BCL2: variants seen among roughly 807,000 people sequenced by gnomAD.
BCL2 encodes the protein BCL2 apoptosis regulator, also known as apoptosis regulator Bcl-2.
BCL2 carries 1 observed loss-of-function variant against 14.2 expected under a neutral mutation model. The ratio of observed to expected loss-of-function variants is 0.07; its 90% CI spans 0.02 to 0.33. BCL2 has a LOEUF of 0.33. Among genes scored for constraint, BCL2 ranks in the 10% least tolerant of loss-of-function variants. The pLI is 0.99. For synonymous variants in BCL2, 151 were observed against 137.2 expected, an observed-to-expected ratio of 1.10 and a Z score of -0.70; for missense variants, 247 against 305.9, an observed-to-expected ratio of 0.81 and a Z score of 1.44.
chr18:63,236,197 T>A (rs941621546), intron 2 of BCL2, among the ~76,000 whole-genome samples: 2 of 152,224 alleles, frequency 1.3e-5, no homozygotes, highest in Non-Finnish European at 2.9e-5. Flanking sequence ...CCACAGATTG[T>A]GAGGCCTCCC....
At chr18:63,192,468 A>G (rs1445963340) in intron 2 of BCL2, among the ~76,000 whole-genome samples, 1 of 152,220 alleles carries the variant, frequency 6.6e-6, no homozygotes, top group East Asian at 1.9e-4. Flanking sequence ...GATGACGGGA[A>G]GTATTTGGGG....
intron 2 of BCL2, among the ~76,000 whole-genome samples, chr18:63,308,003 C>T (rs951557360): frequency 6.6e-6 from 1 of 152,220 alleles, no homozygotes; most frequent in Non-Finnish European, 1.5e-5. Flanking sequence ...AGCAACAATG[C>T]TTTGAGTTTG....
chr18:63,295,569 G>T (rs565148047), intron 2 of BCL2, among the ~76,000 whole-genome samples: 59 of 152,308 alleles, frequency 3.9e-4, no homozygotes, highest in African/African-American at 1.4e-3. Flanking sequence ...TGCAGATGAA[G>T]AAATGAAAGC....
Position 63,123,421 on chromosome 18 carries a change from CT to C in BCL2, c.*5203del. The C allele has an allele frequency of 5.0e-6, 1 of 198,246 alleles. No individual in the cohort carries two copies. The highest frequency in any genetic ancestry group is 1.0e-5 in the Non-Finnish European group (1 of 95,748). The allele number at this position is 198,246 out of a possible 1,614,324, so 12.3% of individuals were successfully genotyped here. On this transcript the variant is annotated 3_prime_UTR_variant, in exon 3 of 3. Transcript: ENST00000333681. ...CAAGGAAAGTTTAATGGCAATGTGA[CT>C]TTTTCCAACAACACAAACAAAGTGC...
intron 2 of BCL2, among the ~76,000 whole-genome samples, chr18:63,189,796 G>A (rs4941188): frequency 0.59 from 88,691 of 150,934 alleles, 27,975 homozygotes; most frequent in Non-Finnish European, 0.72. Context: ...CCGTTTCTGA[G>A]ATAACTGATG....
At chr18:63,144,798 G>C (rs966353063) in intron 2 of BCL2, among the ~76,000 whole-genome samples, 6 of 152,274 alleles carry the variant, frequency 3.9e-5, no homozygotes, top group African/African-American at 1.4e-4. Context: ...GAGTCAGAGC[G>C]AATGGGGCCA....
At chr18:63,216,483 G>A (rs1031954317) in intron 2 of BCL2, among the ~76,000 whole-genome samples, 1 of 151,480 alleles carries the variant, frequency 6.6e-6, no homozygotes, top group Non-Finnish European at 1.5e-5. Flanking sequence ...AGTTTACACT[G>A]ATGTCTGCAA....
At chr18:63,232,174 A>G (rs1910708475) in intron 2 of BCL2, among the ~76,000 whole-genome samples, 1 of 152,174 alleles carries the variant, frequency 6.6e-6, no homozygotes, top group Non-Finnish European at 1.5e-5. Flanking sequence ...CAAGAGAATT[A>G]CAGTTAACTT....
At chr18:63,147,541 A>G (rs1338754668) in intron 2 of BCL2, among the ~76,000 whole-genome samples, 2 of 152,220 alleles carry the variant, frequency 1.3e-5, no homozygotes, top group Non-Finnish European at 2.9e-5. Flanking sequence ...TGTTCTTGAT[A>G]TTCTAGACAT....
At position 63,318,461 on chromosome 18, in the gene BCL2, G is replaced by C. The variant is rs1338401488; in HGVS notation, c.206C>G (p.Thr69Ser). 1.4e-6 allele frequency: 2 copies of C among 1,474,022 alleles called. No homozygotes were observed. The highest frequency in any genetic ancestry group is 1.8e-6 in the Non-Finnish European group (2 of 1,123,446). The allele number at this position is 1,474,022 out of a possible 1,614,324, so 91.3% of individuals were successfully genotyped here. Residue 69 changes from threonine (T) to serine (S), a missense_variant, in exon 2 of 3, where the codon ACC (threonine) becomes AGC (serine). By Grantham distance (58) the Thr-to-Ser change is moderately conservative. Around this residue, in one of 3 missense-constraint regions of BCL2, gnomAD observed 144 missense variants for 135.3 expected, o/e 1.06. Transcript: ENST00000333681. The surrounding 1 kb of genome is among the most constrained non-coding windows in gnomAD (Gnocchi z 7.4). ...PAASRDPVAR[T>S]SPLQTPAAPG... ...GGCAGCCGGGGTCTGCAGCGGCGAG[G>C]TCCTGGCGACCGGGTCCCGGGATGC...
chr18:63,195,400 G>A (rs1352762086), intron 2 of BCL2, among the ~76,000 whole-genome samples: 2 of 152,174 alleles, frequency 1.3e-5, no homozygotes, highest in East Asian at 3.8e-4. Flanking sequence ...GGTAGTAGGG[G>A]AGACAATAAG....
At chr18:63,189,435 G>A (rs907950111) in intron 2 of BCL2, among the ~76,000 whole-genome samples, 3 of 152,038 alleles carry the variant, frequency 2.0e-5, no homozygotes, top group African/African-American at 7.2e-5. Context: ...CTTGTCCTAG[G>A]TTAGGTATAT....
chr18:63,179,351 C>T (rs1191942553), intron 2 of BCL2, among the ~76,000 whole-genome samples: 1 of 152,198 alleles, frequency 6.6e-6, no homozygotes, highest in Non-Finnish European at 1.5e-5. Flanking sequence ...CGGTTGGCAG[C>T]ATTGCCAGAT....
intron 2 of BCL2, among the ~76,000 whole-genome samples, chr18:63,175,643 TAGAG>T (rs1446308827): frequency 2.0e-5 from 3 of 152,194 alleles, no homozygotes; most frequent in Non-Finnish European, 2.9e-5. Context: ...TGGTAAATGA[TAGAG>T]AGGAGATTCA....
At chr18:63,271,114 G>A (rs1156676013) in intron 2 of BCL2, among the ~76,000 whole-genome samples, 2 of 152,166 alleles carry the variant, frequency 1.3e-5, no homozygotes, top group Non-Finnish European at 2.9e-5. Context: ...GAGCCACTGC[G>A]CCTGGCCAAA....
chr18:63,133,631 T>A (rs963569944), intron 2 of BCL2, among the ~76,000 whole-genome samples: 1 of 152,176 alleles, frequency 6.6e-6, no homozygotes, highest in African/African-American at 2.4e-5. Context: ...GAATTTTTTT[T>A]AAAAAAGGTC....
chr18:63,173,851 G>T (rs777230830), intron 2 of BCL2, among the ~76,000 whole-genome samples: 1 of 152,176 alleles, frequency 6.6e-6, no homozygotes, highest in African/African-American at 2.4e-5. Flanking sequence ...AAACCACAAA[G>T]AAATATTTAT....
At chr18:63,183,892 C>A (rs1484293443) in intron 2 of BCL2, among the ~76,000 whole-genome samples, 1 of 152,202 alleles carries the variant, frequency 6.6e-6, no homozygotes, top group Non-Finnish European at 1.5e-5. Context: ...ACCTCTCTCA[C>A]CACCCTTCTT....
intron 2 of BCL2, among the ~76,000 whole-genome samples, chr18:63,228,885 T>C (rs980563649): frequency 3.3e-5 from 5 of 152,216 alleles, no homozygotes; most frequent in African/African-American, 1.2e-4. Context: ...GTTTTTTGTA[T>C]TTTTAGTGGA....
Sources: gnomAD v4.1 joint callset for allele counts (sites outside exome capture counted in the v4.1 genomes callset) on GRCh38, gnomAD v4.1.1 for gene constraint, gnomAD v4.1.1 regional missense constraint, Gnocchi (gnomAD v3.1) non-coding constraint, MANE v1.5 for transcripts, NCBI Gene and HGNC (gene_info 2026-07-23, HGNC 2026-07-21) for gene names.